FLT1: variants seen among roughly 807,000 people sequenced by gnomAD.
FLT1 encodes vascular endothelial growth factor receptor 1.
A neutral mutation model predicts 156.3 loss-of-function variants in FLT1; 49 were observed. That is an observed-to-expected ratio of 0.31 (90% CI 0.25 to 0.40). The LOEUF is 0.40. Ranked by LOEUF, FLT1 falls within the 10% of genes least tolerant of loss-of-function variation. The probability of loss-of-function intolerance (pLI) is 1.00; values close to 1 mark genes in which losing one functional copy is unlikely to be tolerated. For synonymous variants in FLT1, 594 were observed against 583.8 expected (o/e 1.02, Z -0.25); for missense variants, 1,322 against 1,637.2 (o/e 0.81, Z 3.32).
At chr13:28,476,140 C>T (rs1048939721) in intron 1 of FLT1, among the ~76,000 whole-genome samples, 1 of 152,176 alleles carries the variant, frequency 6.6e-6, no homozygotes, top group African/African-American at 2.4e-5. Flanking sequence ...CACACACACA[C>T]ACACGCTTGC....
Position 28,312,605 on chromosome 13 carries a change from G to C in FLT1, c.3387-507C>G, listed in dbSNP as rs566529173. Among the ~76,000 whole-genome samples, 65 of 152,284 alleles carry C rather than the reference G, an allele frequency of 4.3e-4. 1 individual carries two copies. The South Asian group carries it at 0.013, about 31-fold the overall frequency. On this transcript the variant is annotated intron_variant, in intron 25 of 29. Transcript: ENST00000282397. ...CGAGTTGTAACAAAGGTTGGTTTGA[G>C]CTGGCTTCTTAAAAAGCATGTGGCA...
In FLT1 at chr13:28,437,325, C is replaced by A. The variant is rs1878083577; in HGVS notation, c.513+896G>T. Among the ~76,000 whole-genome samples the A allele has an allele frequency of 2.0e-5, 3 of 152,274 alleles. No individual in the cohort carries two copies. The South Asian group carries it at 6.2e-4, about 32-fold the overall frequency. ...ATAAGGAGAATCCTCCACCACATTT[C>A]AGGACTCAGGGTTGATGGGTGAGAC... On this transcript the variant is annotated intron_variant, in intron 4 of 29. Transcript: ENST00000282397.
At chr13:28,467,649 G>C (rs1367116964) in intron 1 of FLT1, 32 bp from the exon 2 acceptor site, 1 of 1,221,978 alleles carries the variant, frequency 8.2e-7, no homozygotes, top group East Asian at 2.5e-5. Context: ...TGTATTATTT[G>C]TAAATTGTCT....
At chr13:28,319,963 A>C (rs1256439138) in intron 23 of FLT1, among the ~76,000 whole-genome samples, 1 of 152,254 alleles carries the variant, frequency 6.6e-6, no homozygotes, top group Non-Finnish European at 1.5e-5. Context: ...ATGCAAAAAG[A>C]CAAGATTTCC....
chr13:28,326,518 CTCTTTTTT>C (rs1315204029), intron 20 of FLT1, among the ~76,000 whole-genome samples: 2 of 130,878 alleles, frequency 1.5e-5, no homozygotes, highest in African/African-American at 5.6e-5. Flanking sequence ...ATCTCTCTCT[CTCTTTTTT>C]TTTTTTTTTT....
At chr13:28,351,706 G>T (rs1251612596) in intron 15 of FLT1, among the ~76,000 whole-genome samples, 2 of 152,204 alleles carry the variant, frequency 1.3e-5, no homozygotes, top group African/African-American at 4.8e-5. Context: ...TTAAATTGCT[G>T]TTACGTGACG....
chr13:28,343,604 C>T (rs533451337), intron 16 of FLT1, among the ~76,000 whole-genome samples: 60 of 151,426 alleles, frequency 4.0e-4, no homozygotes, highest in African/African-American at 1.2e-3. Context: ...CCACCACGCG[C>T]GGCCTGCCAC....
At chr13:28,336,742 CTTTTTTTTTT>C (rs548520953) in intron 17 of FLT1, among the ~76,000 whole-genome samples, 2 of 130,212 alleles carry the variant, frequency 1.5e-5, no homozygotes, top group South Asian at 2.4e-4. Context: ...ATTATTCTAA[CTTTTTTTTTT>C]TTTTTTTTTT....
intron 23 of FLT1, among the ~76,000 whole-genome samples, chr13:28,320,394 A>T (rs1222641961): frequency 6.6e-6 from 1 of 152,162 alleles, no homozygotes; most frequent in Non-Finnish European, 1.5e-5. Context: ...TGGCTCTCGA[A>T]GTATGGTCCT....
At chr13:28,394,975 G>A (rs1357272919) in intron 12 of FLT1, among the ~76,000 whole-genome samples, 2 of 152,214 alleles carry the variant, frequency 1.3e-5, no homozygotes, top group African/African-American at 4.8e-5. Context: ...GAGCTTAGAT[G>A]TGTGGGCTGG....
chr13:28,365,865 G>A lies in FLT1; in HGVS notation c.2117-8180C>T, dbSNP rs976397235. 1.7e-4 allele frequency among the ~76,000 whole-genome samples: 26 copies of A among 152,158 alleles called. 1 individual carries two copies. The highest frequency in any genetic ancestry group is 1.6e-3 in the Admixed American group (25 of 15,282). On this transcript the variant is annotated intron_variant, in intron 14 of 29. Coordinates refer to ENST00000282397, the MANE Select transcript of FLT1 (RefSeq NM_002019.4). ...TATTTATTTCTCTTTACTCTAAGAAGCTGTATCAGATGGACCAACAGGGCA... is the reference window on the plus strand; with the variant it reads ...TATTTATTTCTCTTTACTCTAAGAAACTGTATCAGATGGACCAACAGGGCA...
At chr13:28,391,472 A>G (rs537472749) in intron 12 of FLT1, among the ~76,000 whole-genome samples, 178 of 152,304 alleles carry the variant, frequency 1.2e-3, no homozygotes, top group African/African-American at 4.0e-3. Flanking sequence ...CCTATCTATG[A>G]CCTGGAAGCC....
chr13:28,323,090 C>T (rs765628310), intron 20 of FLT1, 144 bp from the exon 21 acceptor site: 41 of 869,974 alleles, frequency 4.7e-5, no homozygotes, highest in East Asian at 1.0e-4. Flanking sequence ...AGGGGCCCTA[C>T]GGTGTCCAGG....
rs116939439 is a variant in FLT1, at chr13:28,416,861, T to C, written c.1436+10298A>G. On this transcript the variant is annotated intron_variant, in intron 10 of 29. Transcript: ENST00000282397. ...AAGGTAGCAATCAGTGATCATCTTA[T>C]ATAATTTTCAATGATGATGACAAGG... Among the ~76,000 whole-genome samples, 1,521 of 152,332 alleles carry C rather than the reference T, an allele frequency of 1.0e-2. 49 individuals carry two copies. Among genetic ancestry groups the C allele is most frequent in the Admixed American group, 0.062 (951 of 15,306 alleles).
chr13:28,488,362 C>T (rs1593851534), intron 1 of FLT1, among the ~76,000 whole-genome samples: 3 of 151,972 alleles, frequency 2.0e-5, no homozygotes, highest in South Asian at 2.1e-4. Context: ...ATTGCACCAC[C>T]GCACTCCAGC....
chr13:28,467,429 T>C (rs1404763772), intron 2 of FLT1, 92 bp downstream of exon 2: 6 of 857,214 alleles, frequency 7.0e-6, no homozygotes, highest in Non-Finnish European at 1.2e-5. Flanking sequence ...TCACAGGAGA[T>C]CACTGAGGTC....
intron 11 of FLT1, among the ~76,000 whole-genome samples, chr13:28,401,529 G>A (rs979413737): frequency 6.6e-6 from 1 of 152,146 alleles, no homozygotes; most frequent in African/African-American, 2.4e-5. Flanking sequence ...GGGCTGATGT[G>A]TCATTCAGCC....
intron 1 of FLT1, among the ~76,000 whole-genome samples, chr13:28,473,333 T>A (rs1239360774): frequency 6.6e-6 from 1 of 152,050 alleles, no homozygotes; most frequent in African/African-American, 2.4e-5. Context: ...ACAGCAGTAT[T>A]ACCTATAACA....
chr13:28,346,147 G>C (rs1872558943), intron 15 of FLT1: 1 of 152,960 alleles, frequency 6.5e-6, no homozygotes, highest in African/African-American at 2.4e-5. Context: ...TCTGTTTCTG[G>C]CTTCATCAGC....
Sources: gnomAD v4.1 joint callset for allele counts (sites outside exome capture counted in the v4.1 genomes callset) on GRCh38, gnomAD v4.1.1 for gene constraint, MANE v1.5 for transcripts, NCBI Gene and HGNC (gene_info 2026-07-23, HGNC 2026-07-21) for gene names.